The following MLIP variants were observed in gnomAD, a reference collection of about 807,000 sequenced individuals.
MLIP encodes muscular LMNA interacting protein.
MLIP carries 79 observed loss-of-function variants against 84.8 expected under a neutral mutation model. That is an observed-to-expected ratio of 0.93 (90% CI 0.78 to 1.12). MLIP has a LOEUF of 1.12. MLIP is among the 50% of genes most tolerant of loss of function. The pLI is 0.00. For synonymous variants in MLIP, 504 were observed against 463.0 expected (o/e 1.09, Z -1.14); for missense variants, 1,257 against 1,160.6 (o/e 1.08, Z -1.21).
intron 3 of MLIP, among the ~76,000 whole-genome samples, chr6:54,126,868 C>T (rs1326823280): frequency 6.6e-6 from 1 of 152,128 alleles, no homozygotes; most frequent in African/African-American, 2.4e-5. Context: ...TAAATTACCT[C>T]TATTGGTTAG....
chr6:54,100,697 C>G (rs1768579967), intron 1 of MLIP, among the ~76,000 whole-genome samples: 1 of 152,130 alleles, frequency 6.6e-6, no homozygotes, highest in Admixed American at 6.6e-5. Context: ...GGTAGGCACA[C>G]AACCATTCAT....
intron 12 of MLIP, among the ~76,000 whole-genome samples, chr6:54,253,819 G>A (rs900134396): frequency 6.6e-6 from 1 of 152,094 alleles, no homozygotes. Context: ...TCCAACAGTG[G>A]TGAGTGAACA....
intron 11 of MLIP, among the ~76,000 whole-genome samples, chr6:54,219,004 CCAT>C (rs142851868): frequency 0.11 from 17,298 of 151,266 alleles, 1,276 homozygotes; most frequent in East Asian, 0.2. Flanking sequence ...GAGATGAAGA[CCAT>C]CCTGGCTAAC....
intron 1 of MLIP, among the ~76,000 whole-genome samples, chr6:54,089,910 C>A (rs888297549): frequency 2.0e-5 from 3 of 151,934 alleles, no homozygotes; most frequent in African/African-American, 4.8e-5. Context: ...CTGAATTGAG[C>A]TTTCTTATAG....
intron 1 of MLIP, chr6:54,083,569 G>A (rs1010266049): frequency 2.0e-6 from 3 of 1,535,866 alleles, no homozygotes; most frequent in Non-Finnish European, 2.6e-6. Context: ...AGTTTGACAC[G>A]TGGCACCGGA....
At chr6:54,174,835 T>C (rs540331334) in intron 9 of MLIP, among the ~76,000 whole-genome samples, 1 of 152,002 alleles carries the variant, frequency 6.6e-6, no homozygotes, top group South Asian at 2.1e-4. Flanking sequence ...AAGAATGTCC[T>C]GGAAAGTTTT....
At chr6:54,194,678 G>GT (rs1291819038) in intron 10 of MLIP, among the ~76,000 whole-genome samples, 1 of 151,700 alleles carries the variant, frequency 6.6e-6, no homozygotes, top group Admixed American at 6.6e-5. Context: ...ATTTTATGCT[G>GT]TTTTTTCTTT....
intron 12 of MLIP, among the ~76,000 whole-genome samples, chr6:54,256,912 T>C (rs1783043251): frequency 6.6e-6 from 1 of 152,160 alleles, no homozygotes; most frequent in Non-Finnish European, 1.5e-5. Flanking sequence ...TTGCTGTTGC[T>C]TTGGAGCTTT....
At chr6:54,086,184 T>C (rs1455688948) in intron 1 of MLIP, among the ~76,000 whole-genome samples, 1 of 152,216 alleles carries the variant, frequency 6.6e-6, no homozygotes. Context: ...GGTAATACGA[T>C]TCAATCTCAA....
At chr6:54,250,925 T>C (rs1231941396) in intron 12 of MLIP, among the ~76,000 whole-genome samples, 2 of 152,054 alleles carry the variant, frequency 1.3e-5, no homozygotes, top group Non-Finnish European at 2.9e-5. Context: ...CCTAACACAT[T>C]ATTTTGTGTT....
At chr6:54,028,387 G>A (rs896293144) in intron 1 of MLIP, among the ~76,000 whole-genome samples, 9 of 151,984 alleles carry the variant, frequency 5.9e-5, no homozygotes, top group South Asian at 4.2e-4. Flanking sequence ...GATGACATTC[G>A]TCTTAGGAGC....
At chr6:54,142,971 T>C (rs1210713327) in intron 4 of MLIP, among the ~76,000 whole-genome samples, 1 of 152,142 alleles carries the variant, frequency 6.6e-6, no homozygotes, top group Admixed American at 6.5e-5. Flanking sequence ...TGTTTTTCTC[T>C]TTTTATCTCA....
intron 1 of MLIP, among the ~76,000 whole-genome samples, chr6:54,104,684 G>C (rs1039640677): frequency 1.3e-5 from 2 of 152,074 alleles, no homozygotes; most frequent in Non-Finnish European, 2.9e-5. Context: ...ACCACAAATA[G>C]AATTTTATTT....
At chr6:54,058,165 G>C (rs896613207) in intron 1 of MLIP, among the ~76,000 whole-genome samples, 1 of 152,076 alleles carries the variant, frequency 6.6e-6, no homozygotes, top group Admixed American at 6.6e-5. Context: ...AAACATGTAG[G>C]ATAACTAATT....
At chr6:54,260,845 C>G (rs1225095826) in intron 13 of MLIP, among the ~76,000 whole-genome samples, 1 of 151,876 alleles carries the variant, frequency 6.6e-6, no homozygotes, top group Admixed American at 6.6e-5. Context: ...ATGGGGCTGG[C>G]ATAGCATTTG....
intron 12 of MLIP, among the ~76,000 whole-genome samples, chr6:54,243,722 A>G (rs2075672725): frequency 6.6e-6 from 1 of 152,162 alleles, no homozygotes; most frequent in African/African-American, 2.4e-5. Context: ...TCTATCAATA[A>G]AGTGGCATTA....
At position 54,090,498 on chromosome 6, in the gene MLIP, C is replaced by G. The variant is rs1327104710; in HGVS notation, c.64-30949C>G. Among the ~76,000 whole-genome samples the G allele has an allele frequency of 2.0e-5, 3 of 152,086 alleles. No individual in the cohort carries two copies. In the South Asian group the frequency reaches 6.2e-4, roughly 32 times the overall value. On this transcript the variant is annotated intron_variant, in intron 1 of 12. Coordinates refer to the MLIP transcript ENST00000274897. Reference sequence around the variant, plus strand: ...TTCACATTCTGTCTAGAACAACTTCCCTTTGTTATTCAGAAATTAATCCTA... The same window carrying G: ...TTCACATTCTGTCTAGAACAACTTCGCTTTGTTATTCAGAAATTAATCCTA...
chr6:54,206,604 A>G (rs1429568281), intron 11 of MLIP, among the ~76,000 whole-genome samples: 3 of 152,288 alleles, frequency 2.0e-5, no homozygotes, highest in African/African-American at 7.2e-5. Context: ...TCCTTGTTAT[A>G]GTATTTCATT....
intron 12 of MLIP, among the ~76,000 whole-genome samples, chr6:54,236,447 A>G (rs560555882): frequency 2.0e-5 from 3 of 152,158 alleles, no homozygotes; most frequent in Non-Finnish European, 4.4e-5. Context: ...CTAAAAATAC[A>G]AAAGATTAGC....
Sources: allele counts gnomAD v4.1 joint callset (sites outside exome capture counted in the v4.1 genomes callset), GRCh38; gene constraint gnomAD v4.1.1; transcripts MANE v1.5; gene names NCBI Gene and HGNC (gene_info 2026-07-23, HGNC 2026-07-21).